Variants in KCNK10 observed in about 807,000 individuals in gnomAD.
The protein encoded by KCNK10 is potassium two pore domain channel subfamily K member 10.
In KCNK10, 25 loss-of-function variants were observed where a neutral mutation model predicts 47.7. That is an observed-to-expected ratio of 0.52 (90% CI 0.38 to 0.73). The LOEUF is 0.73. KCNK10 is among the 30% of genes least tolerant of loss of function. KCNK10 has a pLI of 0.00. For synonymous variants in KCNK10, 303 were observed against 285.6 expected (o/e 1.06, Z -0.61); for missense variants, 563 against 714.5 (o/e 0.79, Z 2.42).
intron 4 of KCNK10, among the ~76,000 whole-genome samples, chr14:88,217,276 G>A (rs940556890): frequency 6.6e-6 from 1 of 152,168 alleles, no homozygotes; most frequent in South Asian, 2.1e-4. Flanking sequence ...ATACTCCAGA[G>A]ACATATGGGC....
chr14:88,301,632 G>A (rs998882535), intron 1 of KCNK10, among the ~76,000 whole-genome samples: 5 of 133,534 alleles, frequency 3.7e-5, no homozygotes, highest in Admixed American at 3.4e-4. Context: ...ATGAAAATTG[G>A]GCAGAAGATA....
intron 4 of KCNK10, among the ~76,000 whole-genome samples, chr14:88,214,873 CT>C (rs1382489631): frequency 6.6e-6 from 1 of 152,136 alleles, no homozygotes; most frequent in Non-Finnish European, 1.5e-5. Flanking sequence ...CTTACTAAAC[CT>C]TTTGTGAAGG....
chr14:88,320,008 A>C (rs924903738), intron 1 of KCNK10, among the ~76,000 whole-genome samples: 2 of 151,892 alleles, frequency 1.3e-5, no homozygotes, highest in African/African-American at 4.8e-5. Context: ...ATGCCACCTC[A>C]CTCCTCACTC....
At chr14:88,192,435 A>T (rs1884781245) in intron 4 of KCNK10, 25 bp from the exon 5 acceptor site, 1 of 1,601,524 alleles carries the variant, frequency 6.2e-7, no homozygotes, top group Non-Finnish European at 8.5e-7. Context: ...GGAGAAAGAT[A>T]GGCAAGTCAG....
At chr14:88,195,991 C>T (rs1884900617) in intron 4 of KCNK10, among the ~76,000 whole-genome samples, 1 of 152,200 alleles carries the variant, frequency 6.6e-6, no homozygotes, top group South Asian at 2.1e-4. Context: ...CTAATGTGTC[C>T]TTAGGCTAAC....
intron 6 of KCNK10, among the ~76,000 whole-genome samples, chr14:88,187,395 C>A (rs550603062): frequency 7.6e-4 from 115 of 151,960 alleles, no homozygotes; most frequent in African/African-American, 2.7e-3. Context: ...CTTCATATGT[C>A]TTCCTTTACT....
chr14:88,310,784 C>A (rs968866190), intron 1 of KCNK10, among the ~76,000 whole-genome samples: 1 of 152,154 alleles, frequency 6.6e-6, no homozygotes, highest in Non-Finnish European at 1.5e-5. Flanking sequence ...GTTACAATAC[C>A]TCTGGACACA....
At chr14:88,273,556 G>T (rs1887457957) in intron 1 of KCNK10, among the ~76,000 whole-genome samples, 1 of 152,194 alleles carries the variant, frequency 6.6e-6, no homozygotes, top group Non-Finnish European at 1.5e-5. Context: ...AAATTGCCCA[G>T]GACCAGAGCT....
chr14:88,321,417 T>C (rs1888544154), intron 1 of KCNK10, among the ~76,000 whole-genome samples: 1 of 152,188 alleles, frequency 6.6e-6, no homozygotes, highest in South Asian at 2.1e-4. Context: ...TTTAGGTCTG[T>C]CTCCCTCACT....
chr14:88,282,165 T>C (rs1406438052), intron 1 of KCNK10, among the ~76,000 whole-genome samples: 4 of 152,202 alleles, frequency 2.6e-5, no homozygotes, highest in Non-Finnish European at 4.4e-5. Context: ...TTATACTGTA[T>C]GAAAAAACTA....
Position 88,263,477 on chromosome 14 carries a change from T to TCGGAGC in KCNK10, c.121_126dup (p.Ala41_Pro42dup), listed in dbSNP as rs1262831964. ...GAAATGGACAGGCGCGGAGTTGGAG[T>TCGGAGC]CGGAGCCGGAGCCGGGGGTTGCCCG... On this transcript the variant is annotated inframe_insertion, in exon 2 of 7. Transcript: ENST00000319231. The TCGGAGC allele has an allele frequency of 1.7e-5, 28 of 1,613,514 alleles. No homozygotes were observed. The highest frequency in any genetic ancestry group is 2.3e-5 in the Non-Finnish European group (27 of 1,179,984).
chr14:88,221,490 A>T (rs1267901626), intron 4 of KCNK10, among the ~76,000 whole-genome samples: 1 of 152,172 alleles, frequency 6.6e-6, no homozygotes, highest in African/African-American at 2.4e-5. Context: ...AGAAATGCAA[A>T]TTAAAGCAAG....
intron 2 of KCNK10, among the ~76,000 whole-genome samples, chr14:88,261,801 G>A (rs903096830): frequency 6.6e-6 from 1 of 151,852 alleles, no homozygotes; most frequent in African/African-American, 2.4e-5. Flanking sequence ...GCCATTTGGA[G>A]AACTGACTTC....
At position 88,185,955 on chromosome 14, in the gene KCNK10, G is replaced by A. The variant is rs1360706344; in HGVS notation, c.1212C>T (p.Val404=). 17 of 1,613,708 alleles carry A rather than the reference G, an allele frequency of 1.1e-5. No homozygotes were observed. Among genetic ancestry groups the A allele is most frequent in the African/African-American group, 1.3e-5 (1 of 74,904 alleles). ...LDMLSPEKRS[V]FAALDTGRFK... ...AGCGGCCGGTGTCCAGGGCAGCAAAGACAGAGCGCTTCTCGGGGGACAGCA... is the reference window on the plus strand; with the variant it reads ...AGCGGCCGGTGTCCAGGGCAGCAAAAACAGAGCGCTTCTCGGGGGACAGCA... The change falls in exon 7 of 7, where the codon GTC becomes GTT. Residue 404 remains valine (V), a synonymous_variant. Coordinates refer to ENST00000319231, the MANE Select transcript of KCNK10 (RefSeq NM_138317.3). The surrounding 1 kb of genome is among the most constrained non-coding windows in gnomAD (Gnocchi z 4.3).
At chr14:88,234,485 C>A (rs753440825) in intron 3 of KCNK10, among the ~76,000 whole-genome samples, 34 of 152,208 alleles carry the variant, frequency 2.2e-4, no homozygotes, top group African/African-American at 8.2e-4. Flanking sequence ...AAACCTGTGC[C>A]GCTAAACCAA....
At chr14:88,194,882 C>T (rs181478155) in intron 4 of KCNK10, among the ~76,000 whole-genome samples, 122 of 152,116 alleles carry the variant, frequency 8.0e-4, no homozygotes, top group African/African-American at 2.3e-3. Context: ...TTAAGAAATG[C>T]GCGTCTTGCA....
intron 2 of KCNK10, among the ~76,000 whole-genome samples, chr14:88,258,739 C>A (rs1203197198): frequency 7.2e-5 from 11 of 152,218 alleles, no homozygotes; most frequent in Admixed American, 6.5e-4. Context: ...AGCAACCCAT[C>A]TTTCTTCACC....
At chr14:88,268,562 A>G (rs531586440) in intron 1 of KCNK10, among the ~76,000 whole-genome samples, 1 of 152,362 alleles carries the variant, frequency 6.6e-6, no homozygotes, top group Non-Finnish European at 1.5e-5. Flanking sequence ...AAAAGAGGAA[A>G]CATAGCAATT....
At chr14:88,268,958 T>C (rs879423121) in intron 1 of KCNK10, among the ~76,000 whole-genome samples, 2 of 152,114 alleles carry the variant, frequency 1.3e-5, no homozygotes, top group African/African-American at 2.4e-5. Flanking sequence ...GCCAACATGG[T>C]GAAGCCCCAG....
Sources: allele counts gnomAD v4.1 joint callset (sites outside exome capture counted in the v4.1 genomes callset), GRCh38; gene constraint gnomAD v4.1.1; non-coding constraint Gnocchi (gnomAD v3.1); transcripts MANE v1.5; gene names NCBI Gene and HGNC (gene_info 2026-07-23, HGNC 2026-07-21).